MIPOL1: variants seen among roughly 807,000 people sequenced by gnomAD.
MIPOL1 encodes the protein mirror-image polydactyly 1, also known as mirror-image polydactyly gene 1 protein.
A neutral mutation model predicts 60.9 loss-of-function variants in MIPOL1; 57 were observed. The observed-to-expected ratio is 0.94, with a 90% CI of 0.76 to 1.17. The LOEUF is 1.17. Ranked by LOEUF, MIPOL1 falls within the 50% of genes most tolerant of loss-of-function variation. MIPOL1 has a pLI of 0.00. For missense variants in MIPOL1, 551 were observed against 511.6 expected (o/e 1.08, Z -0.74); for synonymous variants, 179 against 168.8 (o/e 1.06, Z -0.47).
intron 6 of MIPOL1, among the ~76,000 whole-genome samples, chr14:37,275,156 A>G (rs2083557855): frequency 6.6e-6 from 1 of 151,270 alleles, no homozygotes; most frequent in African/African-American, 2.4e-5. Flanking sequence ...TGTAATAAAT[A>G]ATTCTTATTT....
chr14:37,486,941 TG>T (rs2094956727), intron 11 of MIPOL1, among the ~76,000 whole-genome samples: 1 of 152,194 alleles, frequency 6.6e-6, no homozygotes, highest in South Asian at 2.1e-4. Context: ...TTCCAGTTTT[TG>T]CCCATTCAGT....
intron 1 of MIPOL1, among the ~76,000 whole-genome samples, chr14:37,210,936 A>G (rs553552828): frequency 3.9e-5 from 6 of 152,182 alleles, no homozygotes; most frequent in Non-Finnish European, 5.9e-5. Flanking sequence ...GGCAGGTAGT[A>G]TTATCATCCC....
chr14:37,315,735 T>C (rs149792270), intron 9 of MIPOL1, among the ~76,000 whole-genome samples: 1,871 of 152,258 alleles, frequency 0.012, 14 homozygotes, highest in Middle Eastern at 0.031. Flanking sequence ...ATGGTATATT[T>C]GAGATTATTC....
At chr14:37,205,306 G>C (rs961895726) in intron 1 of MIPOL1, among the ~76,000 whole-genome samples, 5 of 151,922 alleles carry the variant, frequency 3.3e-5, no homozygotes, top group Admixed American at 1.3e-4. Context: ...ATTTCATCAT[G>C]TTGGCCAGGC....
At chr14:37,443,431 C>A (rs2094281311) in intron 11 of MIPOL1, among the ~76,000 whole-genome samples, 1 of 128,192 alleles carries the variant, frequency 7.8e-6, no homozygotes. Flanking sequence ...TGCACTCCAG[C>A]CTGGGTGACA....
chr14:37,501,853 C>A (rs1311076179), intron 12 of MIPOL1: 3 of 152,228 alleles, frequency 2.0e-5, no homozygotes, highest in African/African-American at 7.2e-5. Flanking sequence ...CCAAGGGAAG[C>A]CGTGACAGAC....
intron 7 of MIPOL1, among the ~76,000 whole-genome samples, chr14:37,307,400 C>T (rs1022440846): frequency 6.6e-6 from 1 of 151,912 alleles, no homozygotes; most frequent in South Asian, 2.1e-4. Flanking sequence ...CATCAGCAAA[C>T]ATTTCAGTAG....
intron 12 of MIPOL1, among the ~76,000 whole-genome samples, chr14:37,511,717 G>C (rs571760590): frequency 9.2e-5 from 14 of 152,116 alleles, no homozygotes; most frequent in Non-Finnish European, 1.8e-4. Context: ...GTTTCTTAAA[G>C]TAAAAGTAAT....
In MIPOL1 at chr14:37,500,137, A is replaced by C. The variant is rs1426240684; in HGVS notation, c.1261A>C (p.Lys421Gln). 6.3e-7 allele frequency: 1 copy of C among 1,588,406 alleles called. No individual in the cohort carries two copies. Among genetic ancestry groups the C allele is most frequent in the South Asian group, 1.1e-5 (1 of 89,476 alleles). The change falls in exon 12 of 13, where the codon AAG becomes CAG. Residue 421 changes from lysine to glutamine, a missense_variant and splice_region_variant. Coordinates refer to ENST00000684589, the MANE Select transcript of MIPOL1 (RefSeq NM_001388067.1). ...CCAAGTGGCCAATGAAAAAGTTCAA[A>C]AGTAAGTTAAATGATCTTGTAATAA... is the stretch of plus-strand genomic sequence containing the variant. ...ASQVANEKVQ[K>Q]LERLVDVLRK... is the part of the protein sequence containing the mutation.
At chr14:37,466,985 T>C (rs1239264453) in intron 11 of MIPOL1, among the ~76,000 whole-genome samples, 1 of 152,230 alleles carries the variant, frequency 6.6e-6, no homozygotes, top group Non-Finnish European at 1.5e-5. Context: ...AAGTAAACAA[T>C]ATTTCCTGGT....
At chr14:37,524,643 C>T (rs947532840) in intron 12 of MIPOL1, among the ~76,000 whole-genome samples, 2 of 143,242 alleles carry the variant, frequency 1.4e-5, no homozygotes, top group Non-Finnish European at 3.0e-5. Context: ...TCTCAGCTCA[C>T]TGCAACCTCT....
At chr14:37,477,247 A>G (rs963850531) in intron 11 of MIPOL1, among the ~76,000 whole-genome samples, 1 of 151,892 alleles carries the variant, frequency 6.6e-6, no homozygotes, top group Non-Finnish European at 1.5e-5. Context: ...CATTAATTGA[A>G]TTAGATGGCG....
At chr14:37,217,428 C>G (rs1434980883) in intron 1 of MIPOL1, among the ~76,000 whole-genome samples, 2 of 152,108 alleles carry the variant, frequency 1.3e-5, no homozygotes, top group Non-Finnish European at 2.9e-5. Context: ...CAAAACCAGA[C>G]AAAGACACAT....
rs796634849 is a variant in MIPOL1 at position 37,420,096 on chromosome 14, G to GA, written c.937-2747dup. On this transcript the variant is annotated intron_variant, in intron 10 of 12. Coordinates refer to ENST00000684589, the MANE Select transcript of MIPOL1 (RefSeq NM_001388067.1). ...TATGTGACGCAAAATAGCAATTTTT[G>GA]AAAAAAAAAAAAGCAAGGTGTGTAT... is the stretch of plus-strand genomic sequence containing the variant. Among the ~76,000 whole-genome samples, 817 of 132,986 alleles carry GA rather than the reference G, an allele frequency of 6.1e-3. 5 individuals carry two copies. Among genetic ancestry groups the GA allele is most frequent in the African/African-American group, 0.017 (627 of 36,232 alleles). The allele number at this position is 132,986 out of a possible 152,430, so 87.2% of individuals were successfully genotyped here. A position where few individuals can be genotyped will look rare whatever the true frequency, so the allele number is the denominator to read the frequency against.
chr14:37,443,480 AAAAG>A (rs1390484594), intron 11 of MIPOL1, among the ~76,000 whole-genome samples: 1 of 150,808 alleles, frequency 6.6e-6, no homozygotes, highest in African/African-American at 2.4e-5. Flanking sequence ...AAAAAAAAAA[AAAAG>A]GAGGAGGAAG....
At chr14:37,354,773 C>T (rs1475680936) in intron 9 of MIPOL1, among the ~76,000 whole-genome samples, 2 of 101,958 alleles carry the variant, frequency 2.0e-5, no homozygotes, top group Non-Finnish European at 4.0e-5. Context: ...GATCTTCCTC[C>T]ATCCTTTTAT....
intron 11 of MIPOL1, among the ~76,000 whole-genome samples, chr14:37,441,712 T>G (rs577624405): frequency 6.6e-6 from 1 of 152,232 alleles, no homozygotes; most frequent in African/African-American, 2.4e-5. Flanking sequence ...TTCTGTTTTT[T>G]GGGGTTTTTT....
At chr14:37,410,086 G>T (rs1950532) in intron 10 of MIPOL1, among the ~76,000 whole-genome samples, 2 of 152,118 alleles carry the variant, frequency 1.3e-5, no homozygotes, top group South Asian at 4.1e-4. Flanking sequence ...TAACATGAAG[G>T]AATTCTAAAC....
At position 37,353,269 on chromosome 14, in the gene MIPOL1, G is replaced by A. The variant is rs1464491242; in HGVS notation, c.829-16248G>A. 2.2e-5 allele frequency among the ~76,000 whole-genome samples: 3 copies of A among 135,620 alleles called. No individual in the cohort carries two copies. In the Admixed American group the frequency reaches 2.3e-4, roughly 11 times the overall value. The allele number at this position is 135,620 out of a possible 152,430, so 89.0% of individuals were successfully genotyped here. ...CAGGGATGAAGCCCACTTGATCATG[G>A]TGAATAAGCTTTTTGATGTGCTGCT... On this transcript the variant is annotated intron_variant, in intron 9 of 12. Transcript: ENST00000684589.
Sources: gnomAD v4.1 joint callset for allele counts (sites outside exome capture counted in the v4.1 genomes callset) on GRCh38, gnomAD v4.1.1 for gene constraint, MANE v1.5 for transcripts, NCBI Gene and HGNC (gene_info 2026-07-23, HGNC 2026-07-21) for gene names.